The following PDE1A variants were observed in gnomAD, a reference collection of about 807,000 sequenced individuals.
PDE1A encodes the protein phosphodiesterase 1A.
PDE1A carries 35 observed loss-of-function variants against 61.7 expected under a neutral mutation model. That is an observed-to-expected ratio of 0.57 (90% CI 0.43 to 0.75). The LOEUF (loss-of-function observed/expected upper bound fraction) is 0.75. Ranked by LOEUF, PDE1A falls within the 30% of genes least tolerant of loss-of-function variation. The pLI, the probability that PDE1A is intolerant of heterozygous loss-of-function variation, is 0.00. For synonymous variants in PDE1A, 232 were observed against 213.2 expected (o/e 1.09, Z -0.77); for missense variants, 597 against 630.6 (o/e 0.95, Z 0.57).
chr2:182,261,467 ATG>A (rs1692212074), intron 2 of PDE1A, among the ~76,000 whole-genome samples: 1 of 152,224 alleles, frequency 6.6e-6, no homozygotes, highest in Non-Finnish European at 1.5e-5. Flanking sequence ...TTTAAAACTC[ATG>A]ATGCCATGGA....
chr2:182,619,840 G>T, the PDE1A span, among the ~76,000 whole-genome samples: 1 of 152,118 alleles, frequency 6.6e-6, no homozygotes, highest in African/African-American at 2.4e-5. Context: ...AAGTCCTAGG[G>T]CATGGTACCA....
chr2:182,709,502 T>G, the PDE1A span, among the ~76,000 whole-genome samples: 8 of 152,206 alleles, frequency 5.3e-5, no homozygotes, highest in Non-Finnish European at 1.2e-4. Context: ...GAATTCAGTA[T>G]AGTAGACCAA....
At chr2:182,709,980 TCC>T in the PDE1A span, among the ~76,000 whole-genome samples, 4 of 152,296 alleles carry the variant, frequency 2.6e-5, no homozygotes, top group African/African-American at 9.6e-5. Flanking sequence ...CACCACAACC[TCC>T]GACTCCCTGG....
chr2:182,186,124 G>A, intron 12 of PDE1A, 45 bp from the exon 13 acceptor site: 2 of 1,584,398 alleles, frequency 1.3e-6, no homozygotes, highest in Admixed American at 1.8e-5. Flanking sequence ...ATCAGGATAT[G>A]GGGTGAACAA....
chr2:182,706,473 A>G, the PDE1A span, among the ~76,000 whole-genome samples: 1 of 152,164 alleles, frequency 6.6e-6, no homozygotes. Flanking sequence ...CATGCTAACC[A>G]AGAAGGAGTG....
intron 2 of PDE1A, among the ~76,000 whole-genome samples, chr2:182,453,008 A>T (rs879831138): frequency 6.6e-6 from 1 of 152,150 alleles, no homozygotes; most frequent in African/African-American, 2.4e-5. Context: ...ATCCAAGCTG[A>T]CCTATTAGAA....
At chr2:182,602,267 A>G in the PDE1A span, among the ~76,000 whole-genome samples, 12 of 152,154 alleles carry the variant, frequency 7.9e-5, no homozygotes, top group African/African-American at 2.7e-4. Context: ...TTCTGCCCCA[A>G]CTCAGAAGGG....
chr2:182,174,003 G>T (rs1692487492), intron 13 of PDE1A, among the ~76,000 whole-genome samples: 1 of 151,970 alleles, frequency 6.6e-6, no homozygotes, highest in Non-Finnish European at 1.5e-5. Flanking sequence ...AGGCCCACTG[G>T]TGAGTACTAA....
At chr2:182,579,952 G>T in the PDE1A span, among the ~76,000 whole-genome samples, 1 of 152,174 alleles carries the variant, frequency 6.6e-6, no homozygotes. Context: ...CACTATAGCT[G>T]ATCATGAGCA....
intron 2 of PDE1A, among the ~76,000 whole-genome samples, chr2:182,456,453 A>T (rs1185607169): frequency 6.6e-6 from 1 of 152,106 alleles, no homozygotes; most frequent in Non-Finnish European, 1.5e-5. Context: ...ACCCATATAA[A>T]TTTTTGAATC....
rs17264817 is a variant in PDE1A at position 182,310,454 on chromosome 2, T to C, written c.54-46040A>G. 3.0e-3 allele frequency among the ~76,000 whole-genome samples: 452 copies of C among 152,276 alleles called. 1 individual carries two copies. Among genetic ancestry groups the C allele is most frequent in the Middle Eastern group, 0.01 (3 of 294 alleles). ...GAAATGCTTTGCAATTGTAGCAACT[T>C]TTTTTTCAGATTAATACAATATGTG... On this transcript the variant is annotated intron_variant, in intron 1 of 13. Transcript: ENST00000351439.
chr2:182,244,619 G>A (rs1292784823), intron 2 of PDE1A, among the ~76,000 whole-genome samples: 5 of 151,904 alleles, frequency 3.3e-5, no homozygotes, highest in East Asian at 1.9e-4. Context: ...TTAAGTTCTT[G>A]AGTTCATAGG....
At chr2:182,375,086 A>G (rs1700320915) in intron 1 of PDE1A, among the ~76,000 whole-genome samples, 1 of 152,212 alleles carries the variant, frequency 6.6e-6, no homozygotes, top group Non-Finnish European at 1.5e-5. Context: ...CTGACTCAAC[A>G]CATGGGAATT....
intron 1 of PDE1A, among the ~76,000 whole-genome samples, chr2:182,400,099 T>C (rs528978442): frequency 7.9e-5 from 12 of 152,182 alleles, no homozygotes; most frequent in African/African-American, 1.2e-4. Flanking sequence ...CTGGCTACTA[T>C]TGAAGATTAA....
exon 14 of PDE1A, chr2:182,168,243 G>T (rs1489715896): frequency 6.3e-7 from 1 of 1,589,766 alleles, no homozygotes; most frequent in Non-Finnish European, 8.5e-7. Flanking sequence ...TTACTTAAAG[G>T]TGTTTACTGA....
At chr2:182,336,186 C>T (rs1697796236) in intron 1 of PDE1A, among the ~76,000 whole-genome samples, 1 of 152,138 alleles carries the variant, frequency 6.6e-6, no homozygotes, top group Non-Finnish European at 1.5e-5. Flanking sequence ...TAGATTAGTT[C>T]AACCATTGTG....
At chr2:182,688,039 A>C in the PDE1A span, among the ~76,000 whole-genome samples, 1 of 152,248 alleles carries the variant, frequency 6.6e-6, no homozygotes. Context: ...GAAAAGACCA[A>C]ATCTAGGTCT....
chr2:182,334,983 T>C (rs878962101), intron 1 of PDE1A, among the ~76,000 whole-genome samples: 1 of 151,982 alleles, frequency 6.6e-6, no homozygotes, highest in African/African-American at 2.4e-5. Flanking sequence ...ACACAAATAA[T>C]AGACAAACAG....
At chr2:182,692,312 C>T in the PDE1A span, among the ~76,000 whole-genome samples, 1 of 152,098 alleles carries the variant, frequency 6.6e-6, no homozygotes, top group Non-Finnish European at 1.5e-5. Flanking sequence ...AAATGTGGCA[C>T]ATATACACCA....
Sources: gnomAD v4.1 joint callset for allele counts (sites outside exome capture counted in the v4.1 genomes callset) on GRCh38, gnomAD v4.1.1 for gene constraint, MANE v1.5 for transcripts, NCBI Gene and HGNC (gene_info 2026-07-23, HGNC 2026-07-21) for gene names.